The following RPA3 variants were observed in gnomAD, a reference collection of about 807,000 sequenced individuals.
RPA3 encodes replication protein A3, also known as replication protein A 14 kDa subunit.
A neutral mutation model predicts 13.7 loss-of-function variants in RPA3; 24 were observed. The ratio of observed to expected loss-of-function variants is 1.75; its 90% confidence interval spans 1.27 to 2.46. The LOEUF (loss-of-function observed/expected upper bound fraction) is 2.46, where lower values mean the gene tolerates loss of function less well. Ranked by LOEUF, RPA3 falls within the 30% of genes most tolerant of loss-of-function variation. The pLI, the probability that RPA3 is intolerant of heterozygous loss-of-function variation, is 0.00. For missense variants in RPA3, 183 were observed against 151.0 expected (o/e 1.21, Z -1.11); for synonymous variants, 59 against 51.2 (o/e 1.15, Z -0.65).
intron 4 of RPA3, among the ~76,000 whole-genome samples, chr7:7,649,584 C>A (rs958024888): frequency 2.0e-5 from 3 of 152,208 alleles, no homozygotes; most frequent in Non-Finnish European, 4.4e-5. Flanking sequence ...GTTATTTTTT[C>A]CTTTCTTGCC....
At chr7:7,666,804 A>G (rs934675951) in intron 4 of RPA3, among the ~76,000 whole-genome samples, 8 of 151,562 alleles carry the variant, frequency 5.3e-5, no homozygotes, top group African/African-American at 1.9e-4. Context: ...AGATGAATTT[A>G]TTTATTTATT....
chr7:7,675,495 GA>G (rs1210695944), intron 4 of RPA3, among the ~76,000 whole-genome samples: 1 of 152,140 alleles, frequency 6.6e-6, no homozygotes, highest in Admixed American at 6.5e-5. Flanking sequence ...TTCTGCCTCC[GA>G]GTATTATCTA....
At chr7:7,659,251 G>A (rs1355773985) in intron 4 of RPA3, among the ~76,000 whole-genome samples, 2 of 151,784 alleles carry the variant, frequency 1.3e-5, no homozygotes, top group Non-Finnish European at 2.9e-5. Flanking sequence ...TTTTAAAAAA[G>A]CCAGCTCCTG....
chr7:7,654,505 C>T (rs1472513798), intron 4 of RPA3, among the ~76,000 whole-genome samples: 1 of 152,210 alleles, frequency 6.6e-6, no homozygotes, highest in Non-Finnish European at 1.5e-5. Context: ...TGCTCAAGTG[C>T]CTTTTATTAA....
rs1250261083 is a variant in RPA3 at position 7,693,295 on chromosome 7, TTATC to T, written c.-1027-5971_-1027-5968del. On this transcript the variant is annotated intron_variant, in intron 2 of 7. Coordinates refer to ENST00000223129, the MANE Select transcript of RPA3 (RefSeq NM_002947.5). ...ATGAATAGTTACTCTTAAAATATCT[TTATC>T]TATCTATCTATCTATCTATCTATCT... 6.6e-3 allele frequency among the ~76,000 whole-genome samples: 976 copies of T among 148,986 alleles called. 11 individuals carry two copies. Among genetic ancestry groups the T allele is most frequent in the African/African-American group, 0.019 (781 of 40,318 alleles).
intron 4 of RPA3, among the ~76,000 whole-genome samples, chr7:7,683,679 G>A (rs370710815): frequency 5.4e-4 from 82 of 151,730 alleles, no homozygotes; most frequent in African/African-American, 1.9e-3. Context: ...CTGGAGTGCA[G>A]TGGCATGGTC....
chr7:7,714,510 T>C (rs1325847339), intron 2 of RPA3, among the ~76,000 whole-genome samples: 1 of 152,240 alleles, frequency 6.6e-6, no homozygotes, highest in Non-Finnish European at 1.5e-5. Flanking sequence ...TATAGTTTAA[T>C]TGCTAAAATA....
At chr7:7,672,005 T>C (rs946635273) in intron 4 of RPA3, among the ~76,000 whole-genome samples, 2 of 152,206 alleles carry the variant, frequency 1.3e-5, no homozygotes, top group Admixed American at 1.3e-4. Context: ...CATTCACTTA[T>C]GTTGGGGTTC....
At chr7:7,657,208 A>G (rs1785364841) in intron 4 of RPA3, among the ~76,000 whole-genome samples, 1 of 152,032 alleles carries the variant, frequency 6.6e-6, no homozygotes, top group African/African-American at 2.4e-5. Flanking sequence ...GAGTCTGGGT[A>G]TTAGCCCTTT....
chr7:7,672,264 C>G lies in RPA3; in HGVS notation c.-758+13566G>C, dbSNP rs956119220. Among the ~76,000 whole-genome samples the G allele has an allele frequency of 2.6e-5, 4 of 152,242 alleles. No homozygotes were observed. In the South Asian group the frequency reaches 8.3e-4, roughly 32 times the overall value. On this transcript the variant is annotated intron_variant, in intron 4 of 7. Transcript: ENST00000223129. Reference sequence around the variant, plus strand: ...GAATCCTATGTGTCCTTGCAAGTACCCTTCAACTTTCTCCCCAGTTGTTTT... The same window carrying G: ...GAATCCTATGTGTCCTTGCAAGTACGCTTCAACTTTCTCCCCAGTTGTTTT...
intron 4 of RPA3, among the ~76,000 whole-genome samples, chr7:7,647,744 G>A (rs1214161655): frequency 1.3e-5 from 2 of 152,138 alleles, no homozygotes; most frequent in East Asian, 1.9e-4. Flanking sequence ...CTGCAGGCAC[G>A]TGCCATCACA....
intron 2 of RPA3, among the ~76,000 whole-genome samples, chr7:7,706,892 A>G (rs1583758490): frequency 6.6e-6 from 1 of 152,210 alleles, no homozygotes; most frequent in Non-Finnish European, 1.5e-5. Context: ...TGCAGCACAA[A>G]CATTTGCAGG....
rs571062542 is a variant in RPA3 at position 7,709,034 on chromosome 7, C to A, written c.-1028+6141G>T. 5.9e-5 allele frequency among the ~76,000 whole-genome samples: 9 copies of A among 151,882 alleles called. 1 individual carries two copies. Among genetic ancestry groups the A allele is most frequent in the African/African-American group, 2.2e-4 (9 of 41,446 alleles). On this transcript the variant is annotated intron_variant, in intron 2 of 7. Transcript: ENST00000223129. ...GGAGAAGACAGAAGAGGAAAACAGTCCTAACTATTAAAAATACCAATTAAC... is the reference window on the plus strand; with the variant it reads ...GGAGAAGACAGAAGAGGAAAACAGTACTAACTATTAAAAATACCAATTAAC...
At chr7:7,639,928 A>G (rs1302573978) in intron 5 of RPA3, 1 of 241,520 alleles carries the variant, frequency 4.1e-6, no homozygotes, top group African/African-American at 2.4e-5. Context: ...CAACGAGGAA[A>G]CGAGGTTTGC....
intron 2 of RPA3, among the ~76,000 whole-genome samples, chr7:7,694,757 C>T (rs769209118): frequency 3.3e-5 from 5 of 152,136 alleles, no homozygotes; most frequent in Admixed American, 1.3e-4. Context: ...ATTGTGCATA[C>T]GTACCACGTT....
intron 2 of RPA3, among the ~76,000 whole-genome samples, chr7:7,704,125 T>G (rs1324058789): frequency 6.6e-6 from 1 of 152,198 alleles, no homozygotes; most frequent in African/African-American, 2.4e-5. Flanking sequence ...GTATTTCAAC[T>G]AAACAACACA....
intron 4 of RPA3, among the ~76,000 whole-genome samples, chr7:7,674,226 C>T (rs899912919): frequency 2.0e-5 from 3 of 152,180 alleles, no homozygotes; most frequent in Non-Finnish European, 2.9e-5. Context: ...CTCATATGGT[C>T]TTCACTCCCT....
At chr7:7,649,740 C>A (rs1554309032) in intron 4 of RPA3, among the ~76,000 whole-genome samples, 100,736 of 151,468 alleles carry the variant, frequency 0.67, 33,964 homozygotes, top group East Asian at 0.88. Flanking sequence ...GAATGTTTGT[C>A]TCTCTCCCCC....
In RPA3 at chr7:7,679,607, A is replaced by G. The variant is rs10257941; in HGVS notation, c.-758+6223T>C. Among the ~76,000 whole-genome samples the G allele has an allele frequency of 2.1e-3, 31 of 14,868 alleles. 1 individual carries two copies. Among genetic ancestry groups the G allele is most frequent in the African/African-American group, 5.8e-3 (17 of 2,922 alleles). The allele number at this position is 14,868 out of a possible 152,430, so 9.8% of individuals were successfully genotyped here. On this transcript the variant is annotated intron_variant, in intron 4 of 7. Coordinates refer to ENST00000223129, the MANE Select transcript of RPA3 (RefSeq NM_002947.5). ...AGATAAATATATATTTATATATTTAATTTATAGATAAATATATATTTATAT... is the reference window on the plus strand; with the variant it reads ...AGATAAATATATATTTATATATTTAGTTTATAGATAAATATATATTTATAT...
Sources: gnomAD v4.1 joint callset for allele counts (sites outside exome capture counted in the v4.1 genomes callset) on GRCh38, gnomAD v4.1.1 for gene constraint, MANE v1.5 for transcripts, NCBI Gene and HGNC (gene_info 2026-07-23, HGNC 2026-07-21) for gene names.